UST: variants seen among roughly 807,000 people sequenced by gnomAD.
UST encodes chondroitin sulfate 2-O-sulfotransferase.
UST carries 21 observed loss-of-function variants against 45.6 expected under a neutral mutation model. The ratio of observed to expected loss-of-function variants is 0.46; its 90% confidence interval spans 0.33 to 0.66. The LOEUF (loss-of-function observed/expected upper bound fraction) is 0.66. UST is among the 30% of genes least tolerant of loss of function. The pLI is 0.02. For synonymous variants in UST, 215 were observed against 200.6 expected (o/e 1.07, Z -0.61); for missense variants, 463 against 512.4 (o/e 0.90, Z 0.93).
intron 2 of UST, among the ~76,000 whole-genome samples, chr6:148,933,362 C>T (rs1470172274): frequency 1.3e-5 from 2 of 152,128 alleles, no homozygotes; most frequent in Admixed American, 1.3e-4. Flanking sequence ...CCACTATGCA[C>T]ATAACAGATA....
At chr6:149,044,228 A>C (rs925701085) in intron 7 of UST, among the ~76,000 whole-genome samples, 1 of 152,110 alleles carries the variant, frequency 6.6e-6, no homozygotes, top group Non-Finnish European at 1.5e-5. Context: ...TTTGCTAAAC[A>C]TTTCCCTCTG....
At chr6:148,747,736 A>G in intron 1 of UST, 59 bp downstream of exon 1, 1 of 1,494,794 alleles carries the variant, frequency 6.7e-7, no homozygotes, top group Non-Finnish European at 8.9e-7. Flanking sequence ...TGCGGCGGGG[A>G]GAGGGTCGCG....
At chr6:148,780,475 T>C (rs1776623835) in intron 1 of UST, among the ~76,000 whole-genome samples, 1 of 152,134 alleles carries the variant, frequency 6.6e-6, no homozygotes, top group Non-Finnish European at 1.5e-5. Context: ...TGTCTGCTGT[T>C]CCCCTCTTTG....
At chr6:149,063,040 ACT>A (rs908693360) in intron 7 of UST, among the ~76,000 whole-genome samples, 1 of 152,222 alleles carries the variant, frequency 6.6e-6, no homozygotes, top group African/African-American at 2.4e-5. Flanking sequence ...TGGGTGGCCA[ACT>A]ACAGATTTTT....
chr6:148,864,236 C>A (rs546858407), intron 1 of UST, among the ~76,000 whole-genome samples: 9 of 152,342 alleles, frequency 5.9e-5, no homozygotes, highest in Middle Eastern at 6.8e-3. Flanking sequence ...GCTGCCACCT[C>A]GCAGTTCGAT....
At chr6:149,034,155 G>T (rs1311660147) in intron 7 of UST, among the ~76,000 whole-genome samples, 1 of 152,054 alleles carries the variant, frequency 6.6e-6, no homozygotes. Flanking sequence ...CATTTTGTTG[G>T]CTGCTGATCA....
chr6:148,893,783 T>A (rs1779066399), intron 2 of UST, among the ~76,000 whole-genome samples: 1 of 152,178 alleles, frequency 6.6e-6, no homozygotes, highest in South Asian at 2.1e-4. Context: ...ACAAGGAGAA[T>A]GCAGGAAGCT....
intron 5 of UST, among the ~76,000 whole-genome samples, chr6:149,012,035 C>T (rs1053163257): frequency 1.3e-5 from 2 of 152,208 alleles, no homozygotes; most frequent in African/African-American, 2.4e-5. Flanking sequence ...AAAGCCACTA[C>T]GGTAGATGCC....
chr6:148,801,768 G>C (rs1411411803), intron 1 of UST, among the ~76,000 whole-genome samples: 1 of 151,984 alleles, frequency 6.6e-6, no homozygotes, highest in Non-Finnish European at 1.5e-5. Flanking sequence ...TTCTCTCTCT[G>C]AGCCCAACCA....
intron 1 of UST, among the ~76,000 whole-genome samples, chr6:148,792,706 A>G (rs891290064): frequency 3.3e-5 from 5 of 152,176 alleles, no homozygotes; most frequent in African/African-American, 4.8e-5. Flanking sequence ...TAAAACTCCT[A>G]TATGTGGGGA....
intron 5 of UST, among the ~76,000 whole-genome samples, chr6:148,990,063 A>G (rs1462983836): frequency 2.6e-5 from 4 of 152,230 alleles, no homozygotes; most frequent in African/African-American, 9.6e-5. Context: ...TTGTTCTTTT[A>G]AATATTTTAT....
chr6:148,872,627 C>T (rs2114818394), intron 1 of UST, among the ~76,000 whole-genome samples: 1 of 152,318 alleles, frequency 6.6e-6, no homozygotes, highest in Admixed American at 6.5e-5. Context: ...CTTAAAATAA[C>T]ACAAAATAAT....
chr6:148,947,704 A>G (rs904457741), intron 3 of UST, among the ~76,000 whole-genome samples: 13 of 152,148 alleles, frequency 8.5e-5, no homozygotes, highest in Non-Finnish European at 1.5e-4. Flanking sequence ...CATGTTTTGG[A>G]AAAGCCTCGC....
At chr6:148,978,110 CTA>C (rs1437411770) in intron 5 of UST, among the ~76,000 whole-genome samples, 2 of 152,080 alleles carry the variant, frequency 1.3e-5, no homozygotes, top group Non-Finnish European at 2.9e-5. Flanking sequence ...TAAGTGAATT[CTA>C]TGTTTGTCAA....
chr6:148,903,109 A>G (rs756004163), intron 2 of UST, among the ~76,000 whole-genome samples: 1 of 152,180 alleles, frequency 6.6e-6, no homozygotes, highest in African/African-American at 2.4e-5. Context: ...TTTTATTTCA[A>G]TAATTTTTCA....
intron 2 of UST, among the ~76,000 whole-genome samples, chr6:148,888,226 T>C (rs1778947074): frequency 6.6e-6 from 1 of 152,072 alleles, no homozygotes; most frequent in Non-Finnish European, 1.5e-5. Flanking sequence ...CACACACTTT[T>C]AAACAACCAG....
chr6:148,793,621 A>G (rs1444507918), intron 1 of UST, among the ~76,000 whole-genome samples: 1 of 152,206 alleles, frequency 6.6e-6, no homozygotes, highest in African/African-American at 2.4e-5. Flanking sequence ...TGAGTAATGC[A>G]GTGCACTACA....
At chr6:148,889,201 A>T (rs1778967808) in intron 2 of UST, among the ~76,000 whole-genome samples, 1 of 152,236 alleles carries the variant, frequency 6.6e-6, no homozygotes, top group Admixed American at 6.5e-5. Context: ...CTCCCACATG[A>T]TGCTGATGCT....
chr6:148,920,891 C>T (rs1779691826), intron 2 of UST, among the ~76,000 whole-genome samples: 1 of 152,204 alleles, frequency 6.6e-6, no homozygotes, highest in Non-Finnish European at 1.5e-5. Flanking sequence ...TAATAAATCT[C>T]TGTACCCTGA....
Sources: allele counts gnomAD v4.1 joint callset (sites outside exome capture counted in the v4.1 genomes callset), GRCh38; gene constraint gnomAD v4.1.1; transcripts MANE v1.5; gene names NCBI Gene and HGNC (gene_info 2026-07-23, HGNC 2026-07-21).